FUT9: variants seen among roughly 807,000 people sequenced by gnomAD.
FUT9 encodes the protein fucosyltransferase 9.
In FUT9, 15 loss-of-function variants were observed where a neutral mutation model predicts 29.7. That is an observed-to-expected ratio of 0.51 (90% CI 0.34 to 0.78). The LOEUF (loss-of-function observed/expected upper bound fraction) is 0.78. Ranked by LOEUF, FUT9 falls within the 30% of genes least tolerant of loss-of-function variation. FUT9 has a pLI of 0.01. For missense variants in FUT9, 319 were observed against 425.4 expected (o/e 0.75, Z 2.20); for synonymous variants, 169 against 153.7 (o/e 1.10, Z -0.74).
intron 2 of FUT9, among the ~76,000 whole-genome samples, chr6:96,153,120 A>C (rs961080166): frequency 3.3e-5 from 5 of 149,608 alleles, no homozygotes; most frequent in African/African-American, 1.2e-4. Flanking sequence ...TAATAAGTAG[A>C]TATAAAATTG....
chr6:96,191,171 C>A (rs941615817), intron 2 of FUT9, among the ~76,000 whole-genome samples: 3 of 152,012 alleles, frequency 2.0e-5, no homozygotes, highest in Non-Finnish European at 4.4e-5. Context: ...CCACTCTAGA[C>A]CCTTTTTGCC....
At chr6:96,154,812 G>A (rs1364143423) in intron 2 of FUT9, among the ~76,000 whole-genome samples, 1 of 152,202 alleles carries the variant, frequency 6.6e-6, no homozygotes, top group Non-Finnish European at 1.5e-5. Flanking sequence ...TTGAACCAAA[G>A]TATTTCATGT....
At chr6:96,025,495 T>G (rs1325065) in intron 1 of FUT9, among the ~76,000 whole-genome samples, 4 of 151,470 alleles carry the variant, frequency 2.6e-5, no homozygotes, top group Non-Finnish European at 5.9e-5. Context: ...TTCAACATTC[T>G]TGGATGAGTG....
At chr6:96,195,065 TA>T (rs1188258185) in intron 2 of FUT9, among the ~76,000 whole-genome samples, 14 of 152,210 alleles carry the variant, frequency 9.2e-5, no homozygotes, top group Admixed American at 9.2e-4. Flanking sequence ...CCTGAATTTG[TA>T]AAGAAAATTT....
chr6:96,187,285 C>A (rs1343610858), intron 2 of FUT9, among the ~76,000 whole-genome samples: 1 of 152,074 alleles, frequency 6.6e-6, no homozygotes, highest in Non-Finnish European at 1.5e-5. Context: ...GCCACTGAAA[C>A]CAGCAAGAAA....
At chr6:96,185,700 C>G (rs897699899) in intron 2 of FUT9, among the ~76,000 whole-genome samples, 1 of 152,082 alleles carries the variant, frequency 6.6e-6, no homozygotes, top group African/African-American at 2.4e-5. Flanking sequence ...GTCTTTTCCA[C>G]TCTGGTGGGA....
intron 2 of FUT9, among the ~76,000 whole-genome samples, chr6:96,190,065 T>A (rs761135418): frequency 2.0e-5 from 3 of 152,186 alleles, no homozygotes; most frequent in Non-Finnish European, 4.4e-5. Context: ...TTTCCATATT[T>A]ATTGCTTCTT....
intron 2 of FUT9, among the ~76,000 whole-genome samples, chr6:96,139,986 A>T (rs1422414839): frequency 2.6e-5 from 4 of 152,088 alleles, no homozygotes; most frequent in Non-Finnish European, 5.9e-5. Context: ...TACCCCCAAA[A>T]TGGGGTTTTC....
chr6:96,052,006 G>A (rs1481058005), intron 1 of FUT9, among the ~76,000 whole-genome samples: 1 of 152,094 alleles, frequency 6.6e-6, no homozygotes, highest in African/African-American at 2.4e-5. Flanking sequence ...CCAAGCCTGG[G>A]TCATTTATAT....
intron 1 of FUT9, among the ~76,000 whole-genome samples, chr6:96,070,500 A>G (rs1306989643): frequency 3.9e-5 from 6 of 152,236 alleles, no homozygotes; most frequent in Middle Eastern, 3.4e-3. Flanking sequence ...AGCCTGGGCA[A>G]CACGGGGAAA....
chr6:96,067,262 A>G (rs1770978649), intron 1 of FUT9, among the ~76,000 whole-genome samples: 2 of 151,736 alleles, frequency 1.3e-5, no homozygotes, highest in African/African-American at 4.8e-5. Context: ...GGTAATAATA[A>G]GTAATCATTA....
At chr6:96,077,494 C>A (rs12191468) in intron 1 of FUT9, among the ~76,000 whole-genome samples, 17,451 of 152,060 alleles carry the variant, frequency 0.11, 1,291 homozygotes, top group Non-Finnish European at 0.16. Context: ...TTTTTAAAAA[C>A]TCAAAATTAT....
intron 2 of FUT9, among the ~76,000 whole-genome samples, chr6:96,190,508 A>G (rs554332204): frequency 6.6e-6 from 1 of 152,242 alleles, no homozygotes; most frequent in African/African-American, 2.4e-5. Flanking sequence ...TTGTTTTCCA[A>G]CTTGGTTCCA....
chr6:96,033,840 T>TC (rs1346839870), intron 1 of FUT9, among the ~76,000 whole-genome samples: 1 of 151,056 alleles, frequency 6.6e-6, no homozygotes, highest in Non-Finnish European at 1.5e-5. Context: ...ACAAATACAC[T>TC]CACACACAAA....
At chr6:96,072,683 T>C (rs868224776) in intron 1 of FUT9, among the ~76,000 whole-genome samples, 1 of 152,218 alleles carries the variant, frequency 6.6e-6, no homozygotes, top group Non-Finnish European at 1.5e-5. Context: ...CTTTTTTTTC[T>C]ATCTGAATAA....
intron 1 of FUT9, among the ~76,000 whole-genome samples, chr6:96,043,753 G>A (rs150288840): frequency 2.4e-4 from 36 of 152,290 alleles, no homozygotes; most frequent in African/African-American, 8.4e-4. Context: ...CTCGAAGGAC[G>A]TAAGTCAGAC....
At chr6:96,069,663 G>C (rs1390488596) in intron 1 of FUT9, among the ~76,000 whole-genome samples, 2 of 150,874 alleles carry the variant, frequency 1.3e-5, no homozygotes, top group Non-Finnish European at 2.9e-5. Flanking sequence ...GAGTCTCAAG[G>C]CTCTGTCGCC....
intron 2 of FUT9, among the ~76,000 whole-genome samples, chr6:96,147,057 A>G (rs1283643169): frequency 6.6e-6 from 1 of 152,090 alleles, no homozygotes; most frequent in African/African-American, 2.4e-5. Flanking sequence ...TGCAAACACA[A>G]TTACCTTCTC....
chr6:96,023,361 T>C (rs889976487), intron 1 of FUT9, among the ~76,000 whole-genome samples: 3 of 151,924 alleles, frequency 2.0e-5, no homozygotes, highest in African/African-American at 7.2e-5. Flanking sequence ...AACACCACAG[T>C]CAATTTCCAT....
Sources: gnomAD v4.1 joint callset for allele counts (sites outside exome capture counted in the v4.1 genomes callset) on GRCh38, gnomAD v4.1.1 for gene constraint, MANE v1.5 for transcripts, NCBI Gene and HGNC (gene_info 2026-07-23, HGNC 2026-07-21) for gene names.